Variants in ZNF343 observed in about 807,000 individuals in gnomAD.
ZNF343 encodes zinc finger protein 343.
Under a neutral mutation model 13.8 loss-of-function variants are expected in ZNF343, and 11 were observed. The ratio of observed to expected loss-of-function variants is 0.80; its 90% CI spans 0.50 to 1.32. The LOEUF (loss-of-function observed/expected upper bound fraction) is 1.32, where lower values mean the gene tolerates loss of function less well. ZNF343 is among the 40% of genes most tolerant of loss of function. The pLI, the probability that ZNF343 is intolerant of heterozygous loss-of-function variation, is 0.00. For synonymous variants in ZNF343, 248 were observed against 260.0 expected, an observed-to-expected ratio of 0.95 and a Z score of 0.44; for missense variants, 658 against 714.2, an observed-to-expected ratio of 0.92 and a Z score of 0.90.
rs144164872 is a variant in ZNF343 at position 2,522,572 on chromosome 20, A to G, written c.-347+1883T>C. On this transcript the variant is annotated intron_variant, in intron 1 of 6. Transcript: ENST00000358413. Reference sequence around the variant, plus strand: ...GTACTGTGTAGTTCACAATAAGTCAATCTGGCTCAGTTTCAATTTTAACAT... The same window carrying G: ...GTACTGTGTAGTTCACAATAAGTCAGTCTGGCTCAGTTTCAATTTTAACAT... Among the ~76,000 whole-genome samples the G allele has an allele frequency of 2.7e-3, 412 of 152,320 alleles. 5 individuals carry two copies. The highest frequency in any genetic ancestry group is 9.1e-3 in the African/African-American group (378 of 41,564).
chr20:2,506,236 G>A (rs1275533906), intron 1 of ZNF343, among the ~76,000 whole-genome samples: 2 of 152,060 alleles, frequency 1.3e-5, no homozygotes, highest in Non-Finnish European at 2.9e-5. Context: ...AAATCAAAAC[G>A]ACAATGAGAT....
intron 2 of ZNF343, among the ~76,000 whole-genome samples, chr20:2,499,464 C>CAAAAAAAAAAA (rs35155995): frequency 3.0e-5 from 2 of 66,536 alleles, no homozygotes; most frequent in East Asian, 5.3e-4. Flanking sequence ...GACTCCGTCT[C>CAAAAAAAAAAA]AAAAAAAAAA....
chr20:2,517,447 GC>G (rs2085764188), intron 1 of ZNF343, among the ~76,000 whole-genome samples: 1 of 151,090 alleles, frequency 6.6e-6, no homozygotes, highest in East Asian at 1.9e-4. Flanking sequence ...AGCCGATGGT[GC>G]AGTTCCAGTC....
chr20:2,494,542 G>C (rs1600053951), intron 2 of ZNF343, among the ~76,000 whole-genome samples: 1 of 152,068 alleles, frequency 6.6e-6, no homozygotes, highest in Non-Finnish European at 1.5e-5. Context: ...GCCACGGCAA[G>C]CTAATCACTT....
intron 1 of ZNF343, among the ~76,000 whole-genome samples, chr20:2,519,939 T>C (rs901151144): frequency 6.6e-6 from 1 of 152,198 alleles, no homozygotes; most frequent in African/African-American, 2.4e-5. Flanking sequence ...GAACAAGGTG[T>C]GATTGTAAGA....
chr20:2,506,773 C>T (rs1214726246), intron 1 of ZNF343, among the ~76,000 whole-genome samples: 1 of 152,024 alleles, frequency 6.6e-6, no homozygotes, highest in African/African-American at 2.4e-5. Flanking sequence ...GGAAGGGGAA[C>T]ATCACACCCC....
rs747488248 is a variant in ZNF343 at position 2,483,612 on chromosome 20, G to C, written c.1349C>G (p.Ser450Ter). ...CGTCCGCTCGTGTATGATGAGGGTT[G>C]ACTTGTCACAAAAGCCTCGCCCACA... The part of the protein sequence containing the change: ...RECGRGFCDK[S>*]TLIIHERTHS... The change falls in exon 6 of 6, where the codon TCA becomes TGA. Residue 450 changes from serine (S) to a stop codon, truncating the protein, a stop_gained. Coordinates refer to ENST00000278772, the MANE Select transcript of ZNF343 (RefSeq NM_024325.6). LOFTEE classifies it low-confidence loss of function (END_TRUNC). The C allele has an allele frequency of 4.3e-6, 7 of 1,613,752 alleles. No individual in the cohort carries two copies. The South Asian group carries it at 7.7e-5, about 18-fold the overall frequency.
intron 1 of ZNF343, among the ~76,000 whole-genome samples, chr20:2,505,567 CA>C (rs1288543951): frequency 3.9e-5 from 6 of 152,190 alleles, no homozygotes; most frequent in African/African-American, 1.4e-4. Flanking sequence ...GTAACCAAAA[CA>C]GCATGGTACT....
At chr20:2,520,844 A>G (rs974639659) in intron 1 of ZNF343, among the ~76,000 whole-genome samples, 6 of 152,154 alleles carry the variant, frequency 3.9e-5, no homozygotes, top group African/African-American at 1.2e-4. Flanking sequence ...TGCTGGCAGC[A>G]CAGGTTGGCA....
intron 5 of ZNF343, among the ~76,000 whole-genome samples, chr20:2,492,442 A>G (rs947919742): frequency 5.3e-5 from 8 of 152,108 alleles, no homozygotes; most frequent in African/African-American, 1.9e-4. Flanking sequence ...ATACCCCTTT[A>G]TCCTGCCTTA....
At position 2,483,617 on chromosome 20, in the gene ZNF343, G is replaced by T; in HGVS notation, c.1344C>A (p.Asp448Glu). The T allele has an allele frequency of 6.2e-7, 1 of 1,608,772 alleles. No individual in the cohort carries two copies. The highest frequency in any genetic ancestry group is 8.5e-7 in the Non-Finnish European group (1 of 1,178,524). The change falls in exon 6 of 6, where the codon GAC becomes GAA. Residue 448 changes from aspartate (D) to glutamate (E), a missense_variant. Coordinates refer to ENST00000278772, the MANE Select transcript of ZNF343 (RefSeq NM_024325.6). ...GCTCGTGTATGATGAGGGTTGACTT[G>T]TCACAAAAGCCTCGCCCACACTCCC... is the stretch of plus-strand genomic sequence containing the variant. ...VCRECGRGFC[D>E]KSTLIIHERT...
In ZNF343 at chr20:2,493,794, T is replaced by G. The variant is rs767442230; in HGVS notation, c.102A>C (p.Gln34His). Residue 34 changes from glutamine (Q) to histidine (H), a missense_variant, in exon 3 of 6, where the codon CAA becomes CAC. Physicochemically the swap from Gln to His is conservative, Grantham distance 24. Coordinates refer to ENST00000278772, the MANE Select transcript of ZNF343 (RefSeq NM_024325.6). ...ENVETMKKLT[Q>H]NHKAKGLPSN... ...AATTCTCACCTTTCGCTTTATGATT[T>G]TGGGTCAATTTCTTCATAGTCTCTA... is the stretch of plus-strand genomic sequence containing the variant. 1 of 1,613,202 alleles carries G rather than the reference T, an allele frequency of 6.2e-7. No homozygotes were observed. The highest frequency in any genetic ancestry group is 1.7e-5 in the Admixed American group (1 of 60,028).
At position 2,483,199 on chromosome 20, in the gene ZNF343, G is replaced by A; in HGVS notation, c.1762C>T (p.His588Tyr). ...TGGTGTCTGATGAGATTTGACTTAT[G>A]ACTAAAGCCTCGCCCACACTCCCTA... is the stretch of plus-strand genomic sequence containing the variant. ...VCRECGRGFS[H>Y]KSNLIRHQRT... Residue 588 changes from histidine to tyrosine, a missense_variant, in exon 6 of 6, where the codon CAT becomes TAT. Transcript: ENST00000278772. 6.2e-7 allele frequency: 1 copy of A among 1,612,540 alleles called. No individual in the cohort carries two copies. Among genetic ancestry groups the A allele is most frequent in the Non-Finnish European group, 8.5e-7 (1 of 1,179,164 alleles).
chr20:2,484,555 A>T lies in ZNF343; in HGVS notation c.406T>A (p.Cys136Ser). Residue 136 changes from cysteine to serine, a missense_variant, in exon 6 of 6, where the codon TGT (cysteine) becomes AGT (serine). Physicochemically the swap from Cys to Ser is moderately radical, Grantham distance 112 (BLOSUM62 -1). Coordinates refer to ENST00000278772, the MANE Select transcript of ZNF343 (RefSeq NM_024325.6). Reference protein sequence around the residue: ...QHVLQIFLGLCAENHFHPGNS... With the variant: ...QHVLQIFLGLSAENHFHPGNS... ...CCTGGATGGAAGTGATTTTCTGCAC[A>T]TAAGCCCAGGAAGATCTGAAGTACA... is the stretch of plus-strand genomic sequence containing the variant. The T allele has an allele frequency of 6.2e-7, 1 of 1,614,228 alleles. No individual in the cohort carries two copies. Among genetic ancestry groups the T allele is most frequent in the Non-Finnish European group, 8.5e-7 (1 of 1,180,004 alleles).
Position 2,483,061 on chromosome 20 carries a change from T to C in ZNF343, c.*100A>G. The C allele has an allele frequency of 7.3e-7, 1 of 1,367,948 alleles. No individual in the cohort carries two copies. Among genetic ancestry groups the C allele is most frequent in the Non-Finnish European group, 9.9e-7 (1 of 1,006,890 alleles). 84.7% of individuals were successfully genotyped at this position (1,367,948 alleles called of 1,614,324 possible). On this transcript the variant is annotated 3_prime_UTR_variant, in exon 6 of 6. Transcript: ENST00000278772. ...TCTGGAACTTCACTCACAATCTGTG[T>C]ACACAGGGTCTACTCCCCATGTGTC... is the stretch of plus-strand genomic sequence containing the variant.
At position 2,518,072 on chromosome 20, in the gene ZNF343, G is replaced by C. The variant is rs960985059; in HGVS notation, c.-347+6383C>G. 2.7e-5 allele frequency among the ~76,000 whole-genome samples: 4 copies of C among 150,904 alleles called. No homozygotes were observed. Among genetic ancestry groups the C allele is most frequent in the African/African-American group, 9.8e-5 (4 of 41,006 alleles). On this transcript the variant is annotated intron_variant, in intron 1 of 6. Transcript: ENST00000358413. The surrounding 1 kb of genome is among the most constrained non-coding windows in gnomAD (Gnocchi z 4.6). ...TCTGTTACCCAGGCTGGAGTGCAGT[G>C]GCTCGATCTCGGCTCACTGTAACCT... is the stretch of plus-strand genomic sequence containing the variant.
rs1171396606 is a variant in ZNF343, at chr20:2,482,384, G to C, written c.*777C>G. 1.3e-5 allele frequency: 2 copies of C among 152,248 alleles called. No homozygotes were observed. The highest frequency in any genetic ancestry group is 2.9e-5 in the Non-Finnish European group (2 of 68,092). 9.4% of individuals were successfully genotyped at this position (152,248 alleles called of 1,614,324 possible). ...TCACTGGGGAGTGAGGGCAGGACTG[G>C]GCAGAGGAAGAAGCTGACCTGCAAT... is the stretch of plus-strand genomic sequence containing the variant. On this transcript the variant is annotated 3_prime_UTR_variant, in exon 6 of 6. Transcript: ENST00000278772.
chr20:2,524,990 C>T (rs1600086348), upstream of ZNF343, among the ~76,000 whole-genome samples: 1 of 152,230 alleles, frequency 6.6e-6, no homozygotes, highest in African/African-American at 2.4e-5. Context: ...CCCCGCTTCC[C>T]GGCTTCCCGC....
upstream of ZNF343, among the ~76,000 whole-genome samples, chr20:2,510,735 A>G (rs1447066587): frequency 6.6e-6 from 1 of 152,214 alleles, no homozygotes; most frequent in Non-Finnish European, 1.5e-5. Flanking sequence ...CAGAAAACCA[A>G]TCACTGAGAC....
Sources: allele counts gnomAD v4.1 joint callset (sites outside exome capture counted in the v4.1 genomes callset), GRCh38; gene constraint gnomAD v4.1.1; non-coding constraint Gnocchi (gnomAD v3.1); transcripts MANE v1.5; gene names NCBI Gene and HGNC (gene_info 2026-07-23, HGNC 2026-07-21).